Variants in MGAT4C observed in about 807,000 individuals in gnomAD.
MGAT4C encodes alpha-1,3-mannosyl-glycoprotein 4-beta-N-acetylglucosaminyltransferase C.
Under a neutral mutation model 40.1 loss-of-function variants are expected in MGAT4C, and 19 were observed. That is an observed-to-expected ratio of 0.47 (90% CI 0.33 to 0.70). The LOEUF is 0.70. MGAT4C is among the 30% of genes least tolerant of loss of function. The pLI is 0.02. For synonymous variants in MGAT4C, 181 were observed against 187.1 expected (o/e 0.97, Z 0.27); for missense variants, 491 against 563.2 (o/e 0.87, Z 1.30).
chr12:86,052,466 A>G (rs1201068923), intron 1 of MGAT4C, among the ~76,000 whole-genome samples: 3 of 151,998 alleles, frequency 2.0e-5, no homozygotes, highest in African/African-American at 7.2e-5. Context: ...TCAATCATAT[A>G]AATGTCAGGT....
intron 1 of MGAT4C, among the ~76,000 whole-genome samples, chr12:86,767,973 C>A (rs1290731583): frequency 6.6e-6 from 1 of 152,182 alleles, no homozygotes; most frequent in Non-Finnish European, 1.5e-5. Flanking sequence ...GGGATGCCCT[C>A]TCTCACCACT....
At chr12:86,357,578 T>G (rs1423557596) in intron 3 of MGAT4C, among the ~76,000 whole-genome samples, 1 of 151,026 alleles carries the variant, frequency 6.6e-6, no homozygotes, top group East Asian at 1.9e-4. Context: ...CTAAAAACCT[T>G]GAAAAAAGAT....
chr12:86,108,732 G>A (rs1876672241), intron 1 of MGAT4C, among the ~76,000 whole-genome samples: 1 of 152,110 alleles, frequency 6.6e-6, no homozygotes, highest in African/African-American at 2.4e-5. Flanking sequence ...GATGTATGAG[G>A]CATGGATGTT....
intron 1 of MGAT4C, among the ~76,000 whole-genome samples, chr12:86,738,416 T>A (rs1413169677): frequency 6.6e-6 from 1 of 151,500 alleles, no homozygotes; most frequent in Non-Finnish European, 1.5e-5. Flanking sequence ...TTTATATAGT[T>A]CCTTGGTTAA....
At chr12:86,484,639 G>A (rs1384218376) in intron 2 of MGAT4C, among the ~76,000 whole-genome samples, 1 of 152,224 alleles carries the variant, frequency 6.6e-6, no homozygotes, top group Non-Finnish European at 1.5e-5. Flanking sequence ...CACTGAGAGG[G>A]GTGAGAAATG....
intron 1 of MGAT4C, among the ~76,000 whole-genome samples, chr12:86,212,030 C>T (rs565610068): frequency 6.6e-6 from 1 of 152,064 alleles, no homozygotes; most frequent in Non-Finnish European, 1.5e-5. Flanking sequence ...TATGCTACCT[C>T]CTAACGTTTC....
chr12:86,231,634 C>G (rs1023319617), intron 1 of MGAT4C, among the ~76,000 whole-genome samples: 5 of 152,246 alleles, frequency 3.3e-5, no homozygotes, highest in Non-Finnish European at 2.9e-5. Flanking sequence ...AAGTGATATA[C>G]AGGGTATTTA....
At chr12:86,589,648 A>G (rs1159005803) in intron 2 of MGAT4C, among the ~76,000 whole-genome samples, 1 of 152,060 alleles carries the variant, frequency 6.6e-6, no homozygotes, top group Non-Finnish European at 1.5e-5. Flanking sequence ...GACGCAAAAA[A>G]TCCTCAATAA....
At chr12:86,301,932 C>T (rs936581136) in intron 4 of MGAT4C, among the ~76,000 whole-genome samples, 5 of 141,182 alleles carry the variant, frequency 3.5e-5, no homozygotes, top group African/African-American at 1.2e-4. Flanking sequence ...GAATATCTGC[C>T]TATAGGTGAA....
intron 2 of MGAT4C, among the ~76,000 whole-genome samples, chr12:86,027,227 C>T (rs879881362): frequency 6.6e-6 from 1 of 152,010 alleles, no homozygotes; most frequent in African/African-American, 2.4e-5. Context: ...GGGTATTTTC[C>T]TGGCTGTTGG....
intron 1 of MGAT4C, among the ~76,000 whole-genome samples, chr12:86,803,810 T>C (rs1360014699): frequency 6.6e-6 from 1 of 150,556 alleles, no homozygotes; most frequent in Non-Finnish European, 1.5e-5. Flanking sequence ...ACTTTTACAC[T>C]GTTGGTGGGA....
chr12:86,412,378 T>C (rs1026235764), intron 3 of MGAT4C, among the ~76,000 whole-genome samples: 1 of 152,208 alleles, frequency 6.6e-6, no homozygotes, highest in Admixed American at 6.5e-5. Flanking sequence ...GAGACAGAGA[T>C]GCCCAAAGTT....
intron 2 of MGAT4C, among the ~76,000 whole-genome samples, chr12:86,490,354 T>C (rs767290560): frequency 6.6e-6 from 1 of 151,878 alleles, no homozygotes; most frequent in Middle Eastern, 3.4e-3. Context: ...AATAAAATAC[T>C]TTATAGACAA....
chr12:86,210,360 A>G (rs552917653), intron 1 of MGAT4C, among the ~76,000 whole-genome samples: 1 of 152,226 alleles, frequency 6.6e-6, no homozygotes, highest in East Asian at 1.9e-4. Flanking sequence ...GAAGTAAACA[A>G]AAGTGTGCAT....
chr12:86,222,694 C>G (rs1313681922), intron 1 of MGAT4C, among the ~76,000 whole-genome samples: 2 of 152,028 alleles, frequency 1.3e-5, no homozygotes, highest in Non-Finnish European at 2.9e-5. Flanking sequence ...AATATTATTC[C>G]TTTTTAACCT....
intron 1 of MGAT4C, among the ~76,000 whole-genome samples, chr12:86,790,998 G>GA (rs1236065180): frequency 6.6e-6 from 1 of 152,120 alleles, no homozygotes; most frequent in Non-Finnish European, 1.5e-5. Flanking sequence ...GAAGTTGCCA[G>GA]AAAAATAAGC....
At chr12:86,809,573 T>C (rs1460065988) in intron 1 of MGAT4C, among the ~76,000 whole-genome samples, 2 of 152,028 alleles carry the variant, frequency 1.3e-5, no homozygotes, top group African/African-American at 4.8e-5. Context: ...AAAAAATTTA[T>C]TTGCCATTCT....
intron 2 of MGAT4C, among the ~76,000 whole-genome samples, chr12:86,652,547 T>A (rs1444486837): frequency 6.6e-6 from 1 of 151,910 alleles, no homozygotes; most frequent in Non-Finnish European, 1.5e-5. Context: ...AATAATTTTG[T>A]GTTTCTTTGA....
intron 1 of MGAT4C, among the ~76,000 whole-genome samples, chr12:86,789,230 C>T (rs1351047794): frequency 6.6e-6 from 1 of 152,018 alleles, no homozygotes; most frequent in Non-Finnish European, 1.5e-5. Flanking sequence ...AACTAAGTGC[C>T]AAATTCTGTG....
Sources: allele counts gnomAD v4.1 joint callset (sites outside exome capture counted in the v4.1 genomes callset), GRCh38; gene constraint gnomAD v4.1.1; transcripts MANE v1.5; gene names NCBI Gene and HGNC (gene_info 2026-07-23, HGNC 2026-07-21).